UNC5D: variants seen among roughly 807,000 people sequenced by gnomAD.
The protein encoded by UNC5D is unc-5 netrin receptor D.
UNC5D carries 39 observed loss-of-function variants against 105.4 expected under a neutral mutation model. That is an observed-to-expected ratio of 0.37 (90% CI 0.29 to 0.48). The LOEUF is 0.48. UNC5D is among the 20% of genes least tolerant of loss of function. The pLI, the probability that UNC5D is intolerant of heterozygous loss-of-function variation, is 0.98. For missense variants in UNC5D, 991 were observed against 1,202.4 expected, an observed-to-expected ratio of 0.82 and a Z score of 2.60; for synonymous variants, 452 against 450.4, an observed-to-expected ratio of 1.00 and a Z score of -0.04.
intron 1 of UNC5D, among the ~76,000 whole-genome samples, chr8:35,375,488 C>T (rs1424477791): frequency 6.6e-6 from 1 of 152,034 alleles, no homozygotes; most frequent in Non-Finnish European, 1.5e-5. Flanking sequence ...ACAACATGCA[C>T]ACAAAAAAGG....
chr8:35,628,381 G>A (rs750182239), intron 4 of UNC5D, among the ~76,000 whole-genome samples: 14 of 152,000 alleles, frequency 9.2e-5, no homozygotes, highest in Non-Finnish European at 1.5e-4. Flanking sequence ...TGATCCACCC[G>A]CCTCAGCCTC....
At chr8:35,728,195 C>A (rs759296772) in intron 10 of UNC5D, among the ~76,000 whole-genome samples, 6 of 151,060 alleles carry the variant, frequency 4.0e-5, no homozygotes, top group Non-Finnish European at 7.4e-5. Context: ...TCATGCTTGG[C>A]ACTTAGAAGG....
intron 1 of UNC5D, among the ~76,000 whole-genome samples, chr8:35,480,791 G>C (rs189355611): frequency 2.2e-4 from 34 of 152,310 alleles, no homozygotes; most frequent in African/African-American, 7.7e-4. Flanking sequence ...AATGGTTACT[G>C]TTCATATGGA....
At chr8:35,490,255 C>A (rs1039792678) in intron 1 of UNC5D, among the ~76,000 whole-genome samples, 1 of 152,192 alleles carries the variant, frequency 6.6e-6, no homozygotes, top group African/African-American at 2.4e-5. Flanking sequence ...GTAATCCCAG[C>A]ACTTTGGGAG....
chr8:35,787,814 C>T (rs779031304), intron 16 of UNC5D, among the ~76,000 whole-genome samples: 39 of 152,158 alleles, frequency 2.6e-4, no homozygotes, highest in Non-Finnish European at 5.3e-4. Context: ...AGACAGAAGT[C>T]TTGCTATGTT....
At chr8:35,577,444 G>A (rs1024639126) in intron 3 of UNC5D, among the ~76,000 whole-genome samples, 17 of 152,180 alleles carry the variant, frequency 1.1e-4, no homozygotes, top group African/African-American at 3.6e-4. Flanking sequence ...CATGGGAAAA[G>A]GAAGCAGCAC....
chr8:35,460,624 T>G (rs1022148531), intron 1 of UNC5D, among the ~76,000 whole-genome samples: 1 of 152,230 alleles, frequency 6.6e-6, no homozygotes, highest in Admixed American at 6.5e-5. Flanking sequence ...TATTTATCAC[T>G]CCTACATCTT....
At chr8:35,376,436 T>A (rs577267849) in intron 1 of UNC5D, among the ~76,000 whole-genome samples, 2 of 152,086 alleles carry the variant, frequency 1.3e-5, no homozygotes, top group South Asian at 4.2e-4. Flanking sequence ...GACCCAGGGG[T>A]GAGTGAGTAA....
At chr8:35,667,722 GT>G (rs1824520426) in intron 4 of UNC5D, among the ~76,000 whole-genome samples, 1 of 152,158 alleles carries the variant, frequency 6.6e-6, no homozygotes, top group African/African-American at 2.4e-5. Context: ...AGAACAGTTT[GT>G]TGATCTGCTT....
intron 1 of UNC5D, among the ~76,000 whole-genome samples, chr8:35,266,686 G>A (rs1804895866): frequency 1.3e-5 from 2 of 152,182 alleles, no homozygotes; most frequent in East Asian, 1.9e-4. Flanking sequence ...GGCCTCAGTA[G>A]GGAAGAATTG....
intron 1 of UNC5D, among the ~76,000 whole-genome samples, chr8:35,533,151 T>C (rs1305017089): frequency 1.3e-5 from 2 of 152,106 alleles, no homozygotes; most frequent in African/African-American, 2.4e-5. Flanking sequence ...AGTTTTTCTG[T>C]TCTGTTTTTT....
Position 35,471,108 on chromosome 8 carries a change from A to G in UNC5D, c.104-78184A>G, listed in dbSNP as rs115996201. ...TTCCTCCATCACTGCTGTCTGTTCA[A>G]CCCCTCCCCTCAATACCGAGCTGTT... is the stretch of plus-strand genomic sequence containing the variant. On this transcript the variant is annotated intron_variant, in intron 1 of 16. Coordinates refer to ENST00000404895, the MANE Select transcript of UNC5D (RefSeq NM_080872.4). Among the ~76,000 whole-genome samples the G allele has an allele frequency of 4.2e-3, 632 of 152,048 alleles. 8 individuals are homozygous for G. Among genetic ancestry groups the G allele is most frequent in the African/African-American group, 0.014 (592 of 41,496 alleles).
chr8:35,532,588 TG>T (rs1358044241), intron 1 of UNC5D, among the ~76,000 whole-genome samples: 3 of 46,734 alleles, frequency 6.4e-5, no homozygotes. Flanking sequence ...ATCTGAACGT[TG>T]GCCTGCCTTG....
intron 1 of UNC5D, among the ~76,000 whole-genome samples, chr8:35,412,273 G>A (rs1381208275): frequency 6.6e-6 from 1 of 152,022 alleles, no homozygotes; most frequent in Non-Finnish European, 1.5e-5. Flanking sequence ...TGTCCTCACT[G>A]ACAGTAATGG....
chr8:35,507,921 T>TA (rs1350692587), intron 1 of UNC5D, among the ~76,000 whole-genome samples: 3 of 152,084 alleles, frequency 2.0e-5, no homozygotes, highest in South Asian at 2.1e-4. Context: ...ATTATTTTTT[T>TA]AAAAAAATTA....
intron 1 of UNC5D, among the ~76,000 whole-genome samples, chr8:35,343,297 G>A (rs578105265): frequency 1.7e-4 from 26 of 152,148 alleles, no homozygotes; most frequent in African/African-American, 6.0e-4. Flanking sequence ...TGTACCACCT[G>A]TGTATTTTTA....
chr8:35,645,742 A>G (rs1823006622), intron 4 of UNC5D, among the ~76,000 whole-genome samples: 1 of 152,048 alleles, frequency 6.6e-6, no homozygotes, highest in Non-Finnish European at 1.5e-5. Flanking sequence ...AGGGCAAAGG[A>G]ATTTTGCTAT....
At chr8:35,510,009 G>A (rs761477198) in intron 1 of UNC5D, among the ~76,000 whole-genome samples, 2 of 152,146 alleles carry the variant, frequency 1.3e-5, no homozygotes, top group East Asian at 3.9e-4. Flanking sequence ...GAGCTTTCGT[G>A]CCCTCTTTGG....
chr8:35,586,576 T>C (rs760553380), intron 3 of UNC5D, among the ~76,000 whole-genome samples: 1 of 152,166 alleles, frequency 6.6e-6, no homozygotes, highest in African/African-American at 2.4e-5. Flanking sequence ...TTACAATAAA[T>C]ACTCTGTATT....
Sources: allele counts gnomAD v4.1 joint callset (sites outside exome capture counted in the v4.1 genomes callset), GRCh38; gene constraint gnomAD v4.1.1; transcripts MANE v1.5; gene names NCBI Gene and HGNC (gene_info 2026-07-23, HGNC 2026-07-21).